The following MYO10 variants were observed in gnomAD, a reference collection of about 807,000 sequenced individuals.
The protein encoded by MYO10 is myosin X, also known as unconventional myosin-X.
In MYO10, 133 loss-of-function variants were observed where a neutral mutation model predicts 257.3. The observed-to-expected ratio is 0.52, with a 90% CI of 0.45 to 0.60. The LOEUF is 0.60. Among genes scored for constraint, MYO10 ranks in the 20% least tolerant of loss-of-function variants. The pLI is 0.00. For synonymous variants in MYO10, 1,104 were observed against 1,028.6 expected (o/e 1.07, Z -1.40); for missense variants, 2,399 against 2,635.7 (o/e 0.91, Z 1.97).
chr5:16,902,978 T>G (rs1174239720), intron 1 of MYO10, among the ~76,000 whole-genome samples: 1 of 152,258 alleles, frequency 6.6e-6, no homozygotes, highest in African/African-American at 2.4e-5. Flanking sequence ...CAGACCAGGC[T>G]CTGATCTCCC....
intron 2 of MYO10, among the ~76,000 whole-genome samples, chr5:16,844,981 G>T (rs1743590781): frequency 6.6e-6 from 1 of 151,360 alleles, no homozygotes; most frequent in South Asian, 2.1e-4. Flanking sequence ...CACACACAGT[G>T]TATTTCCCTT....
At chr5:16,889,488 AAG>A in intron 1 of MYO10, among the ~76,000 whole-genome samples, 1 of 45,538 alleles carries the variant, frequency 2.2e-5, no homozygotes, top group Non-Finnish European at 4.7e-5. Context: ...AGAAGGAAGG[AAG>A]GAAGGAAGGA....
intron 1 of MYO10, among the ~76,000 whole-genome samples, chr5:16,898,687 G>A (rs1745287418): frequency 6.6e-6 from 1 of 151,780 alleles, no homozygotes; most frequent in South Asian, 2.1e-4. Context: ...GGGATTACAG[G>A]TGTGAGCCAC....
At chr5:16,725,860 T>A (rs1739347731) in intron 19 of MYO10, among the ~76,000 whole-genome samples, 1 of 150,314 alleles carries the variant, frequency 6.7e-6, no homozygotes, top group South Asian at 2.1e-4. Context: ...TGATCTTGGC[T>A]CACTGCAGCC....
chr5:16,873,141 C>T (rs1247312162), intron 2 of MYO10, among the ~76,000 whole-genome samples: 1 of 152,170 alleles, frequency 6.6e-6, no homozygotes, highest in African/African-American at 2.4e-5. Flanking sequence ...AATTCAAAAG[C>T]AAGCTAATTA....
At chr5:16,743,171 T>G (rs1304189929) in intron 19 of MYO10, among the ~76,000 whole-genome samples, 1 of 152,052 alleles carries the variant, frequency 6.6e-6, no homozygotes, top group Non-Finnish European at 1.5e-5. Flanking sequence ...TGCTTTCCAG[T>G]AAGTACACAG....
chr5:16,729,966 T>C (rs1739518784), intron 19 of MYO10, among the ~76,000 whole-genome samples: 1 of 152,054 alleles, frequency 6.6e-6, no homozygotes, highest in African/African-American at 2.4e-5. Context: ...CCTTCCTAAT[T>C]AAAGGAAGAG....
chr5:16,828,425 A>G (rs977596094), intron 2 of MYO10, among the ~76,000 whole-genome samples: 8 of 152,050 alleles, frequency 5.3e-5, no homozygotes, highest in Admixed American at 4.6e-4. Context: ...AGCTTGGCCA[A>G]CATGGTGAAA....
At chr5:16,686,115 G>T (rs1438303142) in intron 28 of MYO10, among the ~76,000 whole-genome samples, 1 of 151,834 alleles carries the variant, frequency 6.6e-6, no homozygotes, top group African/African-American at 2.4e-5. Context: ...ATTTGACGAT[G>T]ATGAATGAGT....
chr5:16,834,503 TCTCA>T (rs1166282423), intron 2 of MYO10, among the ~76,000 whole-genome samples: 2 of 152,162 alleles, frequency 1.3e-5, no homozygotes, highest in Admixed American at 1.3e-4. Context: ...ACTTCTGGGT[TCTCA>T]CTGTCTCATC....
chr5:16,682,138 T>A, intron 30 of MYO10, 125 bp from the exon 31 acceptor site: 1 of 1,141,982 alleles, frequency 8.8e-7, no homozygotes, highest in Non-Finnish European at 1.2e-6. Context: ...TGCTAGGCTA[T>A]CTGTGCTTTT....
chr5:16,695,490 T>C (rs1466151923), intron 26 of MYO10, among the ~76,000 whole-genome samples: 1 of 150,710 alleles, frequency 6.6e-6, no homozygotes, highest in East Asian at 2.0e-4. Context: ...AAAAGCATCA[T>C]CTGAAAATGG....
At chr5:16,921,310 A>G (rs921348814) in intron 1 of MYO10, among the ~76,000 whole-genome samples, 1 of 152,094 alleles carries the variant, frequency 6.6e-6, no homozygotes, top group Non-Finnish European at 1.5e-5. Context: ...ACTCAGTATA[A>G]TAAATATTTC....
intron 1 of MYO10, among the ~76,000 whole-genome samples, chr5:16,907,111 C>G (rs185133853): frequency 7.9e-5 from 12 of 151,786 alleles, no homozygotes; most frequent in African/African-American, 2.9e-4. Flanking sequence ...GAGACTCCAT[C>G]TCAAAAAAAA....
At chr5:16,866,014 A>AACACACACACACACACACACAC (rs34718010) in intron 2 of MYO10, among the ~76,000 whole-genome samples, 1 of 136,484 alleles carries the variant, frequency 7.3e-6, no homozygotes, top group African/African-American at 2.8e-5. Flanking sequence ...TATTTACCCA[A>AACACACACACACACACACACAC]ACACACACAC....
At chr5:16,695,526 GA>G (rs531109269) in intron 26 of MYO10, among the ~76,000 whole-genome samples, 5,140 of 137,090 alleles carry the variant, frequency 0.037, 90 homozygotes, top group Non-Finnish European at 0.042. Context: ...CTGAGACTAT[GA>G]AAAAAAAAAA....
At chr5:16,782,581 C>T (rs987681703) in intron 5 of MYO10, among the ~76,000 whole-genome samples, 50 of 152,152 alleles carry the variant, frequency 3.3e-4, no homozygotes, top group African/African-American at 1.1e-3. Context: ...GTATATTTTA[C>T]CACGATTTTA....
At chr5:16,699,739 A>G in intron 25 of MYO10, 166 bp from the exon 26 acceptor site, 1 of 584,006 alleles carries the variant, frequency 1.7e-6, no homozygotes, top group Non-Finnish European at 2.8e-6. Context: ...CTGAGCAGAG[A>G]TCGTGCCACT....
In MYO10 at chr5:16,681,300, C is replaced by T. The variant is rs1456039030; in HGVS notation, c.4384+9G>A. The T allele has an allele frequency of 1.9e-6, 3 of 1,601,568 alleles. No individual in the cohort carries two copies. Among genetic ancestry groups the T allele is most frequent in the Admixed American group, 3.5e-5 (2 of 56,968 alleles). On this transcript the variant is annotated intron_variant, in intron 32 of 40. Transcript: ENST00000513610. ...TGATGCTCAGGGTTCGGGCAGCCAG[C>T]CTGGTTACCTGTCTCTTTGAATATC...
Sources: allele counts gnomAD v4.1 joint callset (sites outside exome capture counted in the v4.1 genomes callset), GRCh38; gene constraint gnomAD v4.1.1; transcripts MANE v1.5; gene names NCBI Gene and HGNC (gene_info 2026-07-23, HGNC 2026-07-21).